HTR1F: variants seen among roughly 807,000 people sequenced by gnomAD.
HTR1F encodes the protein 5-hydroxytryptamine receptor 1F.
A neutral mutation model predicts 24.0 loss-of-function variants in HTR1F; 17 were observed. The observed-to-expected ratio is 0.71, with a 90% CI of 0.48 to 1.06. HTR1F has a LOEUF of 1.06. Ranked by LOEUF, HTR1F falls within the 50% of genes least tolerant of loss-of-function variation. The pLI is 0.00. For missense variants in HTR1F, 391 were observed against 427.8 expected (o/e 0.91, Z 0.76); for synonymous variants, 186 against 156.8 (o/e 1.19, Z -1.39).
At chr3:87,935,013 G>A (rs548007344) in intron 2 of HTR1F, among the ~76,000 whole-genome samples, 3 of 152,112 alleles carry the variant, frequency 2.0e-5, no homozygotes, top group South Asian at 4.2e-4. Context: ...CCAAAGTCCC[G>A]TTCCACCAGA....
rs534003739 is a variant in HTR1F, at chr3:87,860,136, C to T, written c.-43+38012C>T. ...TAGAATTTTGCTGAGAAATCTGTATCATAATCTGCATATACCATTTTACAT... is the reference window on the plus strand; with the variant it reads ...TAGAATTTTGCTGAGAAATCTGTATTATAATCTGCATATACCATTTTACAT... On this transcript the variant is annotated intron_variant, in intron 2 of 2. Coordinates refer to ENST00000319595, the MANE Select transcript of HTR1F (RefSeq NM_001322209.2). Among the ~76,000 whole-genome samples, 60 of 152,138 alleles carry T rather than the reference C, an allele frequency of 3.9e-4. 2 individuals are homozygous for T. The highest frequency in any genetic ancestry group is 1.2e-4 in the Non-Finnish European group (8 of 68,030).
At chr3:87,936,550 C>T (rs1352600675) in intron 2 of HTR1F, among the ~76,000 whole-genome samples, 1 of 151,898 alleles carries the variant, frequency 6.6e-6, no homozygotes, top group Non-Finnish European at 1.5e-5. Flanking sequence ...TATAACACTC[C>T]AATAAGATAC....
At chr3:87,919,754 T>A (rs1472730254) in intron 2 of HTR1F, among the ~76,000 whole-genome samples, 1 of 151,986 alleles carries the variant, frequency 6.6e-6, no homozygotes, top group Non-Finnish European at 1.5e-5. Context: ...CAGGGCACAC[T>A]TCTACACTGC....
At chr3:87,866,580 G>A (rs186875490) in intron 2 of HTR1F, among the ~76,000 whole-genome samples, 2 of 148,904 alleles carry the variant, frequency 1.3e-5, no homozygotes. Context: ...CAGAAAACAA[G>A]CAGTTTGCTA....
At chr3:87,925,689 C>T (rs756887624) in intron 2 of HTR1F, among the ~76,000 whole-genome samples, 10 of 152,100 alleles carry the variant, frequency 6.6e-5, no homozygotes, top group Admixed American at 1.3e-4. Context: ...AATGCAGCCA[C>T]TTGGACTCCA....
At chr3:87,882,858 T>TA (rs1414140554) in intron 2 of HTR1F, among the ~76,000 whole-genome samples, 2 of 151,526 alleles carry the variant, frequency 1.3e-5, no homozygotes, top group Non-Finnish European at 2.9e-5. Context: ...AGTATAATAA[T>TA]AAAAAAATAA....
intron 1 of HTR1F, among the ~76,000 whole-genome samples, chr3:87,800,944 T>C (rs1406801612): frequency 1.3e-5 from 2 of 152,232 alleles, no homozygotes; most frequent in Non-Finnish European, 2.9e-5. Context: ...ATTTCTCTTA[T>C]TTAACAAAAT....
intron 2 of HTR1F, among the ~76,000 whole-genome samples, chr3:87,968,539 G>T (rs113852206): frequency 1.7e-4 from 26 of 152,192 alleles, no homozygotes; most frequent in African/African-American, 6.0e-4. Flanking sequence ...AAGCAGCAAA[G>T]AATTCAAGAG....
At chr3:87,954,111 G>A (rs1704893568) in intron 2 of HTR1F, among the ~76,000 whole-genome samples, 1 of 151,718 alleles carries the variant, frequency 6.6e-6, no homozygotes, top group Non-Finnish European at 1.5e-5. Context: ...CAGCTAAAAG[G>A]AGTAAGTTGT....
intron 2 of HTR1F, among the ~76,000 whole-genome samples, chr3:87,888,777 T>C (rs1397577145): frequency 6.6e-6 from 1 of 152,204 alleles, no homozygotes; most frequent in Non-Finnish European, 1.5e-5. Flanking sequence ...CTCAAGGTTT[T>C]TGTAAAGATT....
chr3:87,906,784 A>G (rs1703677347), intron 2 of HTR1F, among the ~76,000 whole-genome samples: 1 of 151,906 alleles, frequency 6.6e-6, no homozygotes, highest in Admixed American at 6.6e-5. Flanking sequence ...AAGTGAGAAC[A>G]TATGAAGTTT....
At chr3:87,919,966 C>T (rs980027162) in intron 2 of HTR1F, among the ~76,000 whole-genome samples, 8 of 150,990 alleles carry the variant, frequency 5.3e-5, no homozygotes, top group Non-Finnish European at 8.8e-5. Context: ...GTGGAGCCAA[C>T]CCAAATGCCC....
chr3:87,943,800 A>G (rs771635957), intron 2 of HTR1F, among the ~76,000 whole-genome samples: 37 of 152,310 alleles, frequency 2.4e-4, no homozygotes, highest in Non-Finnish European at 5.0e-4. Flanking sequence ...CCCCTTGAAG[A>G]GGATATCATG....
chr3:87,808,333 A>T (rs1188848324), intron 1 of HTR1F, among the ~76,000 whole-genome samples: 1 of 151,734 alleles, frequency 6.6e-6, no homozygotes, highest in Non-Finnish European at 1.5e-5. Flanking sequence ...TTTCTTCCTG[A>T]TTCAATCTTG....
chr3:87,846,864 T>C (rs1704956969), intron 2 of HTR1F, among the ~76,000 whole-genome samples: 1 of 151,966 alleles, frequency 6.6e-6, no homozygotes, highest in Admixed American at 6.6e-5. Context: ...TATAGTTTTA[T>C]AGAAATTTTC....
chr3:87,843,162 T>A (rs1704846864), intron 2 of HTR1F, among the ~76,000 whole-genome samples: 1 of 151,678 alleles, frequency 6.6e-6, no homozygotes, highest in Non-Finnish European at 1.5e-5. Context: ...TCAAAAACAA[T>A]CTCAGAAACA....
At chr3:87,845,880 T>G (rs115665557) in intron 2 of HTR1F, among the ~76,000 whole-genome samples, 1 of 151,958 alleles carries the variant, frequency 6.6e-6, no homozygotes, top group Admixed American at 6.6e-5. Flanking sequence ...TATTTTGGTG[T>G]TTTCACTCAC....
chr3:87,822,356 T>A (rs1408511552), intron 2 of HTR1F, among the ~76,000 whole-genome samples: 1 of 151,888 alleles, frequency 6.6e-6, no homozygotes, highest in Non-Finnish European at 1.5e-5. Flanking sequence ...GAAAATAGGG[T>A]GGAGACTTGG....
intron 2 of HTR1F, among the ~76,000 whole-genome samples, chr3:87,906,658 G>GTACC (rs1391214129): frequency 9.9e-5 from 15 of 151,908 alleles, no homozygotes; most frequent in Non-Finnish European, 1.8e-4. Flanking sequence ...AGGGTACACT[G>GTACC]TACCCAATGT....
Sources: allele counts gnomAD v4.1 joint callset (sites outside exome capture counted in the v4.1 genomes callset), GRCh38; gene constraint gnomAD v4.1.1; transcripts MANE v1.5; gene names NCBI Gene and HGNC (gene_info 2026-07-23, HGNC 2026-07-21).